The following KAZN variants were observed in gnomAD, a reference collection of about 807,000 sequenced individuals.
KAZN encodes kazrin.
KAZN carries 40 observed loss-of-function variants against 87.4 expected under a neutral mutation model. The observed-to-expected ratio is 0.46, with a 90% CI of 0.36 to 0.60. The LOEUF is 0.60. Among genes scored for constraint, KAZN ranks in the 20% least tolerant of loss-of-function variants. The pLI is 0.00. For missense variants in KAZN, 898 were observed against 1,073.9 expected (o/e 0.84, Z 2.29); for synonymous variants, 466 against 458.3 (o/e 1.02, Z -0.22).
At chr1:14,415,159 C>T (rs1664645732) in intron 2 of KAZN, among the ~76,000 whole-genome samples, 1 of 151,948 alleles carries the variant, frequency 6.6e-6, no homozygotes, top group Admixed American at 6.6e-5. Context: ...GTAGCAAGGT[C>T]GATGATGGAT....
chr1:14,213,725 C>T (rs1332791294), intron 2 of KAZN, among the ~76,000 whole-genome samples: 1 of 152,140 alleles, frequency 6.6e-6, no homozygotes, highest in Non-Finnish European at 1.5e-5. Context: ...TTAAAAGGAA[C>T]ATTCTGACTA....
intron 1 of KAZN, among the ~76,000 whole-genome samples, chr1:14,726,426 G>T (rs757683398): frequency 5.4e-4 from 82 of 152,328 alleles, no homozygotes; most frequent in Middle Eastern, 6.8e-3. Flanking sequence ...ATCTCAGCAG[G>T]TGTGGAGCGG....
At chr1:14,487,965 A>T (rs543056139) in intron 2 of KAZN, among the ~76,000 whole-genome samples, 1 of 152,226 alleles carries the variant, frequency 6.6e-6, no homozygotes, top group Non-Finnish European at 1.5e-5. Context: ...AGGAGGTCAC[A>T]TGGGCCACTG....
intron 2 of KAZN, among the ~76,000 whole-genome samples, chr1:14,556,802 C>T (rs984173411): frequency 2.0e-5 from 3 of 152,128 alleles, no homozygotes; most frequent in Admixed American, 1.3e-4. Flanking sequence ...TTCAATGGCC[C>T]GTTTGGCTCT....
chr1:14,730,089 C>CT (rs1287692317), intron 1 of KAZN, among the ~76,000 whole-genome samples: 1 of 151,908 alleles, frequency 6.6e-6, no homozygotes, highest in Non-Finnish European at 1.5e-5. Flanking sequence ...ATAAAGTATC[C>CT]TTTTTTTTAA....
intron 2 of KAZN, among the ~76,000 whole-genome samples, chr1:14,468,997 T>A (rs566965085): frequency 6.6e-6 from 1 of 152,184 alleles, no homozygotes. Context: ...TCTCTTTCTA[T>A]CCTCATTCTC....
chr1:15,060,397 C>A, intron 6 of KAZN, 95 bp downstream of exon 6: 2 of 1,506,946 alleles, frequency 1.3e-6, no homozygotes, highest in Non-Finnish European at 1.8e-6. Flanking sequence ...GCTGTTTCCT[C>A]TCGTCCACCC....
intron 2 of KAZN, among the ~76,000 whole-genome samples, chr1:14,989,637 C>T (rs1180430434): frequency 5.3e-5 from 8 of 152,202 alleles, no homozygotes; most frequent in African/African-American, 1.9e-4. Context: ...GCCAGCTACT[C>T]AGCCCCTCTG....
intron 1 of KAZN, among the ~76,000 whole-genome samples, chr1:14,794,288 A>G (rs1256409197): frequency 6.6e-6 from 1 of 152,188 alleles, no homozygotes; most frequent in African/African-American, 2.4e-5. Flanking sequence ...GGAAATCCCT[A>G]AAAATTCCTG....
chr1:14,262,031 TG>T (rs1376660554), intron 2 of KAZN, among the ~76,000 whole-genome samples: 1 of 152,080 alleles, frequency 6.6e-6, no homozygotes, highest in African/African-American at 2.4e-5. Context: ...ATTTAATCTA[TG>T]TTGGAGAAAT....
chr1:14,335,553 C>A (rs6684055), intron 2 of KAZN, among the ~76,000 whole-genome samples: 2 of 151,996 alleles, frequency 1.3e-5, no homozygotes, highest in Admixed American at 1.3e-4. Context: ...ATGTGACGCA[C>A]CTGCTCCTCC....
At chr1:14,799,393 C>T (rs1026735783) in intron 1 of KAZN, among the ~76,000 whole-genome samples, 13 of 152,216 alleles carry the variant, frequency 8.5e-5, no homozygotes, top group Non-Finnish European at 4.4e-5. Context: ...GCCTGTTCCG[C>T]TTTCACGTTA....
intron 2 of KAZN, among the ~76,000 whole-genome samples, chr1:14,345,433 G>GA (rs1221221142): frequency 3.3e-5 from 5 of 151,810 alleles, no homozygotes; most frequent in Admixed American, 6.5e-5. Flanking sequence ...CATCAAAAAG[G>GA]AAAAAAAGAA....
intron 2 of KAZN, among the ~76,000 whole-genome samples, chr1:14,413,963 G>A (rs146553747): frequency 6.6e-6 from 1 of 152,190 alleles, no homozygotes; most frequent in African/African-American, 2.4e-5. Flanking sequence ...TTAGTAATCA[G>A]GGAAGTGCAA....
At chr1:14,849,007 T>C (rs1649118097) in intron 1 of KAZN, among the ~76,000 whole-genome samples, 1 of 152,108 alleles carries the variant, frequency 6.6e-6, no homozygotes, top group African/African-American at 2.4e-5. Flanking sequence ...TCACTGGGAA[T>C]TGAGGTTGGG....
intron 8 of KAZN, among the ~76,000 whole-genome samples, chr1:15,070,753 A>G (rs1420543845): frequency 6.6e-6 from 1 of 152,224 alleles, no homozygotes; most frequent in Non-Finnish European, 1.5e-5. Context: ...AGGCTGAAGC[A>G]TCTCTTGAGC....
chr1:14,105,980 T>G (rs1208461420), intron 1 of KAZN, among the ~76,000 whole-genome samples: 1 of 152,234 alleles, frequency 6.6e-6, no homozygotes, highest in Non-Finnish European at 1.5e-5. Context: ...AGCAATCTGG[T>G]GGCTTAAAAT....
chr1:15,016,199 G>A (rs1326966361), intron 2 of KAZN, among the ~76,000 whole-genome samples: 1 of 152,162 alleles, frequency 6.6e-6, no homozygotes, highest in Non-Finnish European at 1.5e-5. Context: ...GGACTGTGGC[G>A]AAACTGGAAG....
intron 2 of KAZN, among the ~76,000 whole-genome samples, chr1:14,442,210 G>T (rs1666743824): frequency 6.6e-6 from 1 of 152,200 alleles, no homozygotes; most frequent in Admixed American, 6.5e-5. Context: ...AAATTACAAG[G>T]TGTTATACAA....
Sources: gnomAD v4.1 joint callset for allele counts (sites outside exome capture counted in the v4.1 genomes callset) on GRCh38, gnomAD v4.1.1 for gene constraint, MANE v1.5 for transcripts, NCBI Gene and HGNC (gene_info 2026-07-23, HGNC 2026-07-21) for gene names.